MCPH1: variants seen among roughly 807,000 people sequenced by gnomAD.
MCPH1 encodes the protein microcephalin.
Under a neutral mutation model 84.5 loss-of-function variants are expected in MCPH1, and 104 were observed. The ratio of observed to expected loss-of-function variants is 1.23; its 90% CI spans 1.05 to 1.45. MCPH1 has a LOEUF of 1.45. Ranked by LOEUF, MCPH1 falls within the 40% of genes most tolerant of loss-of-function variation. The pLI is 0.00. For missense variants in MCPH1, 1,498 were observed against 1,005.7 expected (o/e 1.49, Z -6.62); for synonymous variants, 514 against 366.8 (o/e 1.40, Z -4.58).
At chr8:6,477,379 G>C (rs1586004100) in intron 9 of MCPH1, 1 of 546,448 alleles carries the variant, frequency 1.8e-6, no homozygotes, top group East Asian at 3.1e-5. Context: ...CTCATGTCTG[G>C]ATTATTTTGG....
intron 12 of MCPH1, among the ~76,000 whole-genome samples, chr8:6,570,803 G>GTTTTT (rs10548398): frequency 3.7e-5 from 4 of 108,696 alleles, no homozygotes; most frequent in Admixed American, 9.8e-5. Flanking sequence ...ATGGATTGTT[G>GTTTTT]TTTTTTTTTT....
In MCPH1 at chr8:6,480,642, T is replaced by A. The variant is rs551386467; in HGVS notation, c.1974-72T>A. The A allele has an allele frequency of 1.8e-4, 286 of 1,561,090 alleles. 2 individuals carry two copies. In the South Asian group the frequency reaches 2.9e-3, roughly 16 times the overall value. ...TTTCTAGTTTTATTAGTACTAATAT[T>A]GAGTGTAACTGCTTTGATGGGCATG... On this transcript the variant is annotated intron_variant, in intron 10 of 13. Transcript: ENST00000344683.
At chr8:6,608,840 T>C (rs554630948) in intron 12 of MCPH1, among the ~76,000 whole-genome samples, 1 of 152,292 alleles carries the variant, frequency 6.6e-6, no homozygotes, top group African/African-American at 2.4e-5. Flanking sequence ...TAGGGAGCTT[T>C]AACAATCACT....
At chr8:6,641,553 G>A (rs960108672) in intron 13 of MCPH1, among the ~76,000 whole-genome samples, 3 of 151,542 alleles carry the variant, frequency 2.0e-5, no homozygotes, top group African/African-American at 7.3e-5. Context: ...AGATCAGCCT[G>A]GGCAACAAAG....
chr8:6,417,874 T>A (rs2515484), intron 3 of MCPH1, among the ~76,000 whole-genome samples: 148,675 of 152,324 alleles, frequency 0.98, 72,654 homozygotes, highest in East Asian at 1. Context: ...AGGTTGTATT[T>A]TGCACGTTGT....
At position 6,442,318 on chromosome 8, in the gene MCPH1, G is replaced by A. The variant is rs529389723; in HGVS notation, c.670+162G>A. ...AATTAGGTATTATAATAAAATTAAG[G>A]CATGAGTTAAACTTCCTTTTTGGTT... On this transcript the variant is annotated intron_variant, in intron 7 of 13. Transcript: ENST00000344683. Among the ~76,000 whole-genome samples the A allele has an allele frequency of 2.7e-5, 4 of 150,356 alleles. No homozygotes were observed. The South Asian group carries it at 8.6e-4, about 32-fold the overall frequency.
chr8:6,409,707 A>T (rs941673150), intron 2 of MCPH1, among the ~76,000 whole-genome samples: 3 of 147,746 alleles, frequency 2.0e-5, no homozygotes, highest in Non-Finnish European at 3.0e-5. Flanking sequence ...ATACTGAAAA[A>T]TATCTGTTAG....
intron 5 of MCPH1, among the ~76,000 whole-genome samples, chr8:6,436,371 G>T (rs1802639909): frequency 6.6e-6 from 1 of 152,228 alleles, no homozygotes; most frequent in Non-Finnish European, 1.5e-5. Context: ...ATCGACCACA[G>T]TCTTAACCAT....
Position 6,440,743 on chromosome 8 carries a change from G to A in MCPH1, c.581-1324G>A, listed in dbSNP as rs370549714. Among the ~76,000 whole-genome samples, 23 of 152,280 alleles carry A rather than the reference G, an allele frequency of 1.5e-4. No homozygotes were observed. The East Asian group carries it at 2.3e-3, about 15-fold the overall frequency. On this transcript the variant is annotated intron_variant, in intron 6 of 13. Coordinates refer to ENST00000344683, the MANE Select transcript of MCPH1 (RefSeq NM_024596.5). ...TTTTCATATTACTGACTGACTTACC[G>A]AATGCAGCTTTTAATGTGATCAACT...
intron 13 of MCPH1, among the ~76,000 whole-genome samples, chr8:6,640,472 A>T (rs562984428): frequency 7.2e-5 from 11 of 152,312 alleles, no homozygotes; most frequent in Non-Finnish European, 1.6e-4. Flanking sequence ...ATGAGTCTGA[A>T]TATCTTAGAT....
At chr8:6,512,649 A>G (rs1815390691) in intron 12 of MCPH1, among the ~76,000 whole-genome samples, 1 of 151,960 alleles carries the variant, frequency 6.6e-6, no homozygotes. Context: ...GTGTACCAGC[A>G]TTACTGTGCA....
rs58686747 is a variant in MCPH1 at position 6,536,972 on chromosome 8, G to GAAA, written c.2214+37059_2214+37061dup. On this transcript the variant is annotated intron_variant, in intron 12 of 13. Coordinates refer to ENST00000344683, the MANE Select transcript of MCPH1 (RefSeq NM_024596.5). ...TAAGTATAAGGAAGTCTTAGTACAA[G>GAAA]AAAAAAAAAAAAAAAAAACCAACCC... is the stretch of plus-strand genomic sequence containing the variant. Among the ~76,000 whole-genome samples the GAAA allele has an allele frequency of 1.9e-3, 199 of 102,268 alleles. 4 individuals carry two copies. The South Asian group carries it at 0.038, about 19-fold the overall frequency. The allele number at this position is 102,268 out of a possible 152,430, so 67.1% of individuals were successfully genotyped here.
intron 12 of MCPH1, among the ~76,000 whole-genome samples, chr8:6,544,634 G>C (rs1212756748): frequency 3.3e-5 from 5 of 152,158 alleles, no homozygotes; most frequent in Non-Finnish European, 7.3e-5. Flanking sequence ...ACTTGGCCAT[G>C]AAATGAAGCG....
At chr8:6,419,672 C>A (rs938071453) in intron 3 of MCPH1, among the ~76,000 whole-genome samples, 7 of 151,762 alleles carry the variant, frequency 4.6e-5, no homozygotes, top group African/African-American at 1.7e-4. Flanking sequence ...AAAGTGCAAC[C>A]CGGCATTAAA....
chr8:6,623,061 C>T (rs1279358178), intron 13 of MCPH1, among the ~76,000 whole-genome samples: 3 of 148,276 alleles, frequency 2.0e-5, no homozygotes, highest in Non-Finnish European at 4.5e-5. Flanking sequence ...CTATGTTGCC[C>T]AGGATAGTCT....
chr8:6,487,028 C>T (rs917137952), intron 11 of MCPH1, among the ~76,000 whole-genome samples: 2 of 152,226 alleles, frequency 1.3e-5, no homozygotes, highest in East Asian at 3.8e-4. Flanking sequence ...CCAGCTACCA[C>T]TCCGTGTCAC....
chr8:6,605,141 A>T (rs1448905400), intron 12 of MCPH1, among the ~76,000 whole-genome samples: 4 of 152,146 alleles, frequency 2.6e-5, no homozygotes, highest in Non-Finnish European at 5.9e-5. Context: ...GAAAGAGGCC[A>T]GGTCTCCTGA....
rs369471976 is a variant in MCPH1 at position 6,527,563 on chromosome 8, A to G, written c.2214+27634A>G. The G allele has an allele frequency of 1.2e-5, 20 of 1,613,620 alleles. No homozygotes were observed. The African/African-American group carries it at 2.3e-4, about 18-fold the overall frequency. On this transcript the variant is annotated intron_variant, in intron 12 of 13. Coordinates refer to ENST00000344683, the MANE Select transcript of MCPH1 (RefSeq NM_024596.5). ...TTTAGTACTGTTATTACCTGTTCTT[A>G]TCTTGCAATTTGTTTATTTCACTGG...
chr8:6,560,208 A>C (rs1825315090), intron 12 of MCPH1, among the ~76,000 whole-genome samples: 1 of 152,178 alleles, frequency 6.6e-6, no homozygotes, highest in Non-Finnish European at 1.5e-5. Flanking sequence ...GAGAGAAAGG[A>C]GATATGGAAA....
Sources: allele counts gnomAD v4.1 joint callset (sites outside exome capture counted in the v4.1 genomes callset), GRCh38; gene constraint gnomAD v4.1.1; transcripts MANE v1.5; gene names NCBI Gene and HGNC (gene_info 2026-07-23, HGNC 2026-07-21).